SLC66A1: variants seen among roughly 807,000 people sequenced by gnomAD.
The protein encoded by SLC66A1 is lysosomal amino acid transporter 1 homolog.
SLC66A1 carries 23 observed loss-of-function variants against 33.0 expected under a neutral mutation model. The observed-to-expected ratio is 0.70, with a 90% CI of 0.50 to 0.99. SLC66A1 has a LOEUF of 0.99. Ranked by LOEUF, SLC66A1 falls within the 50% of genes least tolerant of loss-of-function variation. The probability of loss-of-function intolerance (pLI) is 0.00; values close to 1 mark genes in which losing one functional copy is unlikely to be tolerated. For missense variants in SLC66A1, 335 were observed against 383.6 expected (o/e 0.87, Z 1.06); for synonymous variants, 164 against 175.5 (o/e 0.93, Z 0.52).
At chr1:19,323,190 G>C (rs560360246) in intron 2 of SLC66A1, among the ~76,000 whole-genome samples, 2 of 152,048 alleles carry the variant, frequency 1.3e-5, no homozygotes, top group South Asian at 4.2e-4. Context: ...CCAAAGTGTT[G>C]GGATTATAGG....
intron 4 of SLC66A1, 103 bp downstream of exon 4, chr1:19,325,685 G>A: frequency 9.8e-7 from 1 of 1,016,000 alleles, no homozygotes. Flanking sequence ...TCCCATGGCT[G>A]GGTGATAACC....
At chr1:19,319,406 TG>T (rs1455269011) in intron 2 of SLC66A1, among the ~76,000 whole-genome samples, 1 of 152,208 alleles carries the variant, frequency 6.6e-6, no homozygotes, top group Non-Finnish European at 1.5e-5. Context: ...CTGTTGTGAT[TG>T]GCTTCTTTCA....
At chr1:19,325,222 G>T (rs916523003) in intron 3 of SLC66A1, among the ~76,000 whole-genome samples, 4 of 152,180 alleles carry the variant, frequency 2.6e-5, no homozygotes, top group African/African-American at 9.7e-5. Flanking sequence ...TCACTTCACC[G>T]CGGAGTCCCA....
chr1:19,323,744 A>G (rs900817211), intron 2 of SLC66A1, among the ~76,000 whole-genome samples: 4 of 152,036 alleles, frequency 2.6e-5, no homozygotes, highest in Non-Finnish European at 5.9e-5. Flanking sequence ...GTTTTCCTTC[A>G]TGCATGCAGG....
Position 19,328,202 on chromosome 1 carries a change from G to A in SLC66A1, c.805-370G>A, listed in dbSNP as rs1569809167. ...AATATTTGTTAAGTCCCTGCCGGGC[G>A]CAGGGAGGGGTGAAAGTTTAGGCTC... On this transcript the variant is annotated intron_variant, in intron 7 of 7. Coordinates refer to ENST00000375153, the MANE Select transcript of SLC66A1 (RefSeq NM_001040125.2). The surrounding 1 kb of genome is among the most constrained non-coding windows in gnomAD (Gnocchi z 4.7). The A allele has an allele frequency of 7.6e-6, 3 of 395,658 alleles. No individual in the cohort carries two copies. Among genetic ancestry groups the A allele is most frequent in the Admixed American group, 4.2e-5 (1 of 23,664 alleles). The allele number at this position is 395,658 out of a possible 1,614,324, so 24.5% of individuals were successfully genotyped here. A position where few individuals can be genotyped will look rare whatever the true frequency, so the allele number is the denominator to read the frequency against.
chr1:19,332,151 C>G (rs147032308), downstream of SLC66A1, among the ~76,000 whole-genome samples: 37 of 152,284 alleles, frequency 2.4e-4, no homozygotes, highest in East Asian at 5.4e-3. Flanking sequence ...GCCTGGGTCC[C>G]TGGAGCCCTG....
chr1:19,317,969 C>T (rs1288373049), intron 2 of SLC66A1, 128 bp downstream of exon 2: 1 of 1,390,868 alleles, frequency 7.2e-7, no homozygotes, highest in African/African-American at 1.4e-5. Context: ...GGGGTGTGTT[C>T]CCTCGACAGG....
At chr1:19,332,525 T>C (rs7513409), downstream of SLC66A1, among the ~76,000 whole-genome samples, 32,649 of 152,088 alleles carry the variant, frequency 0.21, 4,128 homozygotes, top group South Asian at 0.33. Context: ...TTCCCAGCAT[T>C]TTGGGAGGCT....
downstream of SLC66A1, among the ~76,000 whole-genome samples, chr1:19,332,012 C>T (rs3748756): frequency 0.19 from 28,488 of 152,070 alleles, 3,052 homozygotes; most frequent in Non-Finnish European, 0.22. Context: ...GTGATGGAGG[C>T]GATACAGCCC....
intron 2 of SLC66A1, 128 bp from the exon 3 acceptor site, chr1:19,324,505 G>A (rs1475254170): frequency 3.7e-5 from 45 of 1,204,504 alleles, no homozygotes; most frequent in Non-Finnish European, 4.7e-5. Context: ...AGGATGGGCC[G>A]CCAGGCCACT....
In SLC66A1 at chr1:19,326,371, T is replaced by A. The variant is rs764620699; in HGVS notation, c.509T>A (p.Val170Glu). Residue 170 changes from valine (V) to glutamate (E), a missense_variant, in exon 5 of 8, where the codon GTG becomes GAG. By Grantham distance (121) the Val-to-Glu change is moderately radical. Coordinates refer to ENST00000375153, the MANE Select transcript of SLC66A1 (RefSeq NM_001040125.2). ...TTCCGGGGGCGGGCGCTCCTGTCCG[T>A]GGAGTCGGGCAGCAAGGTGAGGCGT... is the stretch of plus-strand genomic sequence containing the variant. ...EAFRGRALLSVESGSKPFTRQ... is the reference protein window; with the variant it reads ...EAFRGRALLSEESGSKPFTRQ... The A allele has an allele frequency of 1.9e-6, 3 of 1,607,038 alleles. No individual in the cohort carries two copies. The highest frequency in any genetic ancestry group is 2.5e-6 in the Non-Finnish European group (3 of 1,179,004).
In SLC66A1 at chr1:19,313,137, T is replaced by TA. The variant is rs1050407537; in HGVS notation, c.-79+249dup. ...CTCTGCAGTCAGCCTAGGTGGTGGG[T>TA]ATTGCATTATTCCCCTACTTTTCAG... On this transcript the variant is annotated intron_variant, in intron 1 of 7. Transcript: ENST00000375153. 1.2e-4 allele frequency: 107 copies of TA among 916,732 alleles called. No individual in the cohort carries two copies. In the African/African-American group the frequency reaches 1.9e-3, roughly 16 times the overall value. 56.8% of individuals were successfully genotyped at this position (916,732 alleles called of 1,614,324 possible). A position where few individuals can be genotyped will look rare whatever the true frequency, so the allele number is the denominator to read the frequency against.
At chr1:19,316,731 A>G (rs2093807823) in intron 1 of SLC66A1, among the ~76,000 whole-genome samples, 1 of 150,050 alleles carries the variant, frequency 6.7e-6, no homozygotes, top group South Asian at 2.1e-4. Context: ...CATTGGTGTG[A>G]TCATGGCTCT....
chr1:19,328,173 T>G lies in SLC66A1; in HGVS notation c.805-399T>G. On this transcript the variant is annotated intron_variant, in intron 7 of 7. Coordinates refer to ENST00000375153, the MANE Select transcript of SLC66A1 (RefSeq NM_001040125.2). The surrounding 1 kb of genome is among the most constrained non-coding windows in gnomAD (Gnocchi z 4.7). ...TCGGAGCAAGTAAACATGGCCTTTG[T>G]TTTAATATTTGTTAAGTCCCTGCCG... is the stretch of plus-strand genomic sequence containing the variant. The G allele has an allele frequency of 4.8e-6, 1 of 207,352 alleles. No individual in the cohort carries two copies. The highest frequency in any genetic ancestry group is 4.5e-5 in the South Asian group (1 of 22,166). 12.8% of individuals were successfully genotyped at this position (207,352 alleles called of 1,614,324 possible).
intron 4 of SLC66A1, 64 bp downstream of exon 4, chr1:19,325,646 G>GGC: frequency 7.9e-7 from 1 of 1,272,034 alleles, no homozygotes; most frequent in Non-Finnish European, 1.1e-6. Flanking sequence ...TGTGGGGGGG[G>GGC]GCGCCTGGAG....
At chr1:19,326,857 G>C (rs534186312) in intron 6 of SLC66A1, among the ~76,000 whole-genome samples, 3 of 152,370 alleles carry the variant, frequency 2.0e-5, no homozygotes, top group South Asian at 4.1e-4. Context: ...GTGTGTCTTG[G>C]GGGAGTGGGA....
chr1:19,328,726 CG>C lies in SLC66A1; in HGVS notation c.*85del. ...GGAGGTGTGGACAGTGATGGTACGG[CG>C]GCCCTGCATCAGCCTGCGGGTGGCC... On this transcript the variant is annotated 3_prime_UTR_variant, in exon 8 of 8. Transcript: ENST00000375153. The surrounding 1 kb of genome is among the most constrained non-coding windows in gnomAD (Gnocchi z 4.7). 2.7e-6 allele frequency: 4 copies of C among 1,463,418 alleles called. No individual in the cohort carries two copies. Among genetic ancestry groups the C allele is most frequent in the Non-Finnish European group, 3.8e-6 (4 of 1,066,628 alleles). The allele number at this position is 1,463,418 out of a possible 1,614,324, so 90.7% of individuals were successfully genotyped here.
At chr1:19,314,909 G>A (rs1182058189) in intron 1 of SLC66A1, among the ~76,000 whole-genome samples, 1 of 151,412 alleles carries the variant, frequency 6.6e-6, no homozygotes, top group East Asian at 1.9e-4. Flanking sequence ...TTTTTTGTTT[G>A]TTTGTGTTTT....
In SLC66A1 at chr1:19,327,369, C is replaced by T; in HGVS notation, c.761C>T (p.Pro254Leu). The T allele has an allele frequency of 6.2e-7, 1 of 1,606,600 alleles. No homozygotes were observed. Among genetic ancestry groups the T allele is most frequent in the Non-Finnish European group, 8.5e-7 (1 of 1,176,188 alleles). The change falls in exon 7 of 8, where the codon CCC becomes CTC. Residue 254 changes from proline (P) to leucine (L), a missense_variant. Physicochemically the swap from Pro to Leu is moderately conservative, Grantham distance 98. Coordinates refer to ENST00000375153, the MANE Select transcript of SLC66A1 (RefSeq NM_001040125.2). ...SEGSYLLHHL[P>L]WLVGSLGVLL... is the part of the protein sequence containing the mutation. ...GGCAGCTACCTGCTGCACCACCTGC[C>T]CTGGCTTGTGGGCAGCCTGGGCGTG...
Sources: gnomAD v4.1 joint callset for allele counts (sites outside exome capture counted in the v4.1 genomes callset) on GRCh38, gnomAD v4.1.1 for gene constraint, Gnocchi (gnomAD v3.1) non-coding constraint, MANE v1.5 for transcripts, NCBI Gene and HGNC (gene_info 2026-07-23, HGNC 2026-07-21) for gene names.